Variants in MRTFB observed in about 807,000 individuals in gnomAD.
The protein encoded by MRTFB is myocardin-related transcription factor B.
In MRTFB, 29 loss-of-function variants were observed where a neutral mutation model predicts 104.2. The ratio of observed to expected loss-of-function variants is 0.28; its 90% confidence interval spans 0.21 to 0.38. MRTFB has a LOEUF of 0.38. MRTFB is among the 10% of genes least tolerant of loss of function. The pLI is 1.00. For synonymous variants in MRTFB, 535 were observed against 519.5 expected, an observed-to-expected ratio of 1.03 and a Z score of -0.41; for missense variants, 1,270 against 1,341.6, an observed-to-expected ratio of 0.95 and a Z score of 0.83.
chr16:14,240,640 C>T (rs1182549862), intron 10 of MRTFB, 156 bp downstream of exon 10: 3 of 1,276,434 alleles, frequency 2.4e-6, no homozygotes, highest in Admixed American at 1.7e-5. Flanking sequence ...GTCTGAAGTC[C>T]ACATGGTGAG....
intron 3 of MRTFB, chr16:14,150,783 G>C (rs539248177): frequency 6.6e-6 from 1 of 152,176 alleles, no homozygotes; most frequent in Non-Finnish European, 1.5e-5. Flanking sequence ...TGTCTGAAAT[G>C]GTGGGCAACT....
intron 15 of MRTFB, among the ~76,000 whole-genome samples, chr16:14,255,769 G>C (rs1311667722): frequency 6.6e-6 from 1 of 151,828 alleles, no homozygotes; most frequent in Non-Finnish European, 1.5e-5. Flanking sequence ...GATATGTATT[G>C]CATATCTATA....
intron 3 of MRTFB, among the ~76,000 whole-genome samples, chr16:14,183,649 TA>T (rs1345031680): frequency 6.6e-6 from 1 of 152,156 alleles, no homozygotes; most frequent in Non-Finnish European, 1.5e-5. Flanking sequence ...CCTGAACACT[TA>T]GGGTAAAGAA....
At chr16:14,017,712 T>TATATATATATATA in the MRTFB span, among the ~76,000 whole-genome samples, 101 of 9,908 alleles carry the variant, frequency 0.01, 4 homozygotes, top group South Asian at 0.023. Context: ...TATATATATA[T>TATATATATATATA]TTTTTTTTTT....
At chr16:14,247,775 C>T (rs1398273289) in intron 12 of MRTFB, 2 of 448,046 alleles carry the variant, frequency 4.5e-6, no homozygotes, top group South Asian at 3.3e-5. Flanking sequence ...TTTTTTTACA[C>T]ACCAGTGACG....
chr16:14,226,981 TAAAAAA>T lies in MRTFB; in HGVS notation c.694-7160_694-7155del, dbSNP rs71150169. Among the ~76,000 whole-genome samples the T allele has an allele frequency of 2.6e-3, 386 of 150,618 alleles. 1 individual carries two copies. Among genetic ancestry groups the T allele is most frequent in the African/African-American group, 9.0e-3 (366 of 40,852 alleles). Reference sequence around the variant, plus strand: ...GGGGACAGAGCGAGAACCTGTCTCTTAAAAAAAAAAGAAACAAGAAAAAAACTTCAG... The same window carrying T: ...GGGGACAGAGCGAGAACCTGTCTCTTAAAAGAAACAAGAAAAAAACTTCAG... On this transcript the variant is annotated intron_variant, in intron 8 of 16. Coordinates refer to ENST00000571589, the MANE Select transcript of MRTFB (RefSeq NM_001308142.2).
At chr16:14,180,226 T>C (rs1467665829) in intron 3 of MRTFB, among the ~76,000 whole-genome samples, 1 of 152,216 alleles carries the variant, frequency 6.6e-6, no homozygotes, top group African/African-American at 2.4e-5. Flanking sequence ...CCCCAGTGCA[T>C]AGAATGATCT....
chr16:14,139,858 C>T (rs1263789701), intron 2 of MRTFB, among the ~76,000 whole-genome samples: 1 of 152,212 alleles, frequency 6.6e-6, no homozygotes, highest in Non-Finnish European at 1.5e-5. Context: ...ATCCTTCTAG[C>T]CTCCAGTAAC....
chr16:14,203,571 G>A (rs767093237), intron 3 of MRTFB, among the ~76,000 whole-genome samples: 5 of 152,116 alleles, frequency 3.3e-5, no homozygotes, highest in African/African-American at 4.8e-5. Context: ...GGAGGCCAAC[G>A]CGGATGGAAC....
At position 14,248,919 on chromosome 16, in the gene MRTFB, C is replaced by G; in HGVS notation, c.2248-7C>G. The stretch of plus-strand genomic sequence containing the variant: ...TAAATTGATGTTTTTTTCAATTCAC[C>G]TCCTAGACTTCACCACAAGCAGGAA... On this transcript the variant is annotated splice_polypyrimidine_tract_variant and splice_region_variant and intron_variant, in intron 12 of 16. Coordinates refer to ENST00000571589, the MANE Select transcript of MRTFB (RefSeq NM_001308142.2). 3 of 1,610,570 alleles carry G rather than the reference C, an allele frequency of 1.9e-6. No individual in the cohort carries two copies. The highest frequency in any genetic ancestry group is 2.5e-6 in the Non-Finnish European group (3 of 1,178,944).
intron 2 of MRTFB, among the ~76,000 whole-genome samples, chr16:14,094,475 A>AT (rs2035251953): frequency 6.6e-6 from 1 of 152,196 alleles, no homozygotes; most frequent in Non-Finnish European, 1.5e-5. Context: ...CAGATGAGAT[A>AT]TTTCTAATGT....
At chr16:14,003,092 C>T in the MRTFB span, among the ~76,000 whole-genome samples, 1 of 151,986 alleles carries the variant, frequency 6.6e-6, no homozygotes, top group Admixed American at 6.6e-5. Context: ...AAAGATGGTC[C>T]CCCTTGAGCT....
intron 6 of MRTFB, 30 bp downstream of exon 6, chr16:14,213,650 G>A (rs1032018853): frequency 2.8e-6 from 4 of 1,436,228 alleles, no homozygotes; most frequent in Admixed American, 2.2e-5. Flanking sequence ...TTAATCTGCT[G>A]TATTTTTTCA....
chr16:14,156,641 C>T (rs1332255604), intron 3 of MRTFB, among the ~76,000 whole-genome samples: 1 of 152,022 alleles, frequency 6.6e-6, no homozygotes, highest in Admixed American at 6.6e-5. Flanking sequence ...AAATTTGAAG[C>T]CTCAAGGAGG....
intron 3 of MRTFB, chr16:14,200,653 A>C: frequency 6.4e-7 from 1 of 1,563,564 alleles, no homozygotes; most frequent in Admixed American, 1.7e-5. Context: ...ATGAAGATGG[A>C]AAGAGCCACT....
rs202103666 is a variant in MRTFB at position 14,134,321 on chromosome 16, AT to A, written c.-63-6222del. On this transcript the variant is annotated intron_variant, in intron 2 of 16. Transcript: ENST00000571589. ...ACACGTAAAAATCCAACAGCTACAA[AT>A]AAAAACTCTACTTAGAAGTTATTTA... Among the ~76,000 whole-genome samples, 1,466 of 152,360 alleles carry A rather than the reference AT, an allele frequency of 9.6e-3. 25 individuals are homozygous for A. Among genetic ancestry groups the A allele is most frequent in the African/African-American group, 0.034 (1,396 of 41,582 alleles).
At chr16:14,168,070 A>C (rs1472417789) in intron 3 of MRTFB, among the ~76,000 whole-genome samples, 5 of 152,288 alleles carry the variant, frequency 3.3e-5, no homozygotes, top group Admixed American at 1.3e-4. Context: ...CAGTTCTCCT[A>C]ACACCATTTA....
At chr16:13,998,193 C>T in the MRTFB span, among the ~76,000 whole-genome samples, 1 of 152,056 alleles carries the variant, frequency 6.6e-6, no homozygotes, top group African/African-American at 2.4e-5. Context: ...GTGTAGAGTG[C>T]GAATTTTATT....
intron 8 of MRTFB, among the ~76,000 whole-genome samples, chr16:14,231,878 A>G (rs1302541272): frequency 6.6e-6 from 1 of 152,220 alleles, no homozygotes; most frequent in Non-Finnish European, 1.5e-5. Context: ...TGGCAAAATT[A>G]GAAGTTTTGA....
Sources: gnomAD v4.1 joint callset for allele counts (sites outside exome capture counted in the v4.1 genomes callset) on GRCh38, gnomAD v4.1.1 for gene constraint, MANE v1.5 for transcripts, NCBI Gene and HGNC (gene_info 2026-07-23, HGNC 2026-07-21) for gene names.